Variants in KCTD8 observed in about 807,000 individuals in gnomAD.
The protein encoded by KCTD8 is BTB/POZ domain-containing protein KCTD8.
KCTD8 carries 27 observed loss-of-function variants against 31.5 expected under a neutral mutation model. The ratio of observed to expected loss-of-function variants is 0.86; its 90% CI spans 0.63 to 1.18. The LOEUF (loss-of-function observed/expected upper bound fraction) is 1.18. KCTD8 is among the 50% of genes most tolerant of loss of function. KCTD8 has a pLI of 0.00. For synonymous variants in KCTD8, 290 were observed against 280.0 expected (o/e 1.04, Z -0.36); for missense variants, 658 against 647.7 (o/e 1.02, Z -0.17).
At chr4:44,176,309 G>A (rs1350387056) in intron 1 of KCTD8, among the ~76,000 whole-genome samples, 3 of 152,104 alleles carry the variant, frequency 2.0e-5, no homozygotes, top group Admixed American at 1.3e-4. Context: ...AATTTCGGGG[G>A]TCTAACCTTG....
At chr4:44,295,016 C>T (rs1039905737) in intron 1 of KCTD8, among the ~76,000 whole-genome samples, 5 of 152,152 alleles carry the variant, frequency 3.3e-5, no homozygotes, top group East Asian at 1.9e-4. Context: ...AACTAGGTCC[C>T]GCAGGGTGGC....
intron 1 of KCTD8, among the ~76,000 whole-genome samples, chr4:44,274,661 TG>T (rs1434336298): frequency 2.0e-5 from 3 of 151,906 alleles, no homozygotes; most frequent in Non-Finnish European, 2.9e-5. Flanking sequence ...GTCAAAAATT[TG>T]GTTGAAATTT....
At chr4:44,184,126 G>C (rs181662433) in intron 1 of KCTD8, among the ~76,000 whole-genome samples, 1 of 152,318 alleles carries the variant, frequency 6.6e-6, no homozygotes, top group Admixed American at 6.5e-5. Context: ...GTTCAGGCTT[G>C]GGGTGACAAG....
intron 1 of KCTD8, among the ~76,000 whole-genome samples, chr4:44,289,870 GA>G (rs764666912): frequency 2.2e-4 from 34 of 152,278 alleles, no homozygotes; most frequent in Non-Finnish European, 3.7e-4. Flanking sequence ...GTAGGGTCAA[GA>G]GACTGCAGGG....
At chr4:44,362,609 A>G (rs915132085) in intron 1 of KCTD8, among the ~76,000 whole-genome samples, 1 of 152,086 alleles carries the variant, frequency 6.6e-6, no homozygotes, top group Non-Finnish European at 1.5e-5. Context: ...AAAATAGTCC[A>G]GGTGAGTTGA....
At chr4:44,196,560 T>C (rs1577824471) in intron 1 of KCTD8, among the ~76,000 whole-genome samples, 1 of 152,228 alleles carries the variant, frequency 6.6e-6, no homozygotes, top group East Asian at 1.9e-4. Context: ...ACTCTTCAGG[T>C]GAATTGTCTA....
intron 1 of KCTD8, among the ~76,000 whole-genome samples, chr4:44,218,672 T>C (rs1714722013): frequency 1.3e-5 from 2 of 151,522 alleles, no homozygotes; most frequent in Non-Finnish European, 2.9e-5. Context: ...CGTTCCAAAA[T>C]ATCCATGTTT....
At chr4:44,363,723 T>C (rs1402593432) in intron 1 of KCTD8, among the ~76,000 whole-genome samples, 2 of 152,104 alleles carry the variant, frequency 1.3e-5, no homozygotes, top group African/African-American at 4.8e-5. Flanking sequence ...CTTTTATTGC[T>C]TTCATGTAGA....
chr4:44,399,466 T>G (rs1044809581), intron 1 of KCTD8, among the ~76,000 whole-genome samples: 1 of 152,086 alleles, frequency 6.6e-6, no homozygotes, highest in East Asian at 1.9e-4. Flanking sequence ...GTAAGCAAGA[T>G]CCCAGAGGCG....
intron 1 of KCTD8, among the ~76,000 whole-genome samples, chr4:44,432,114 C>A (rs1721520665): frequency 6.6e-6 from 1 of 151,190 alleles, no homozygotes; most frequent in Non-Finnish European, 1.5e-5. Flanking sequence ...TATTTTATTC[C>A]TATATCTACA....
At chr4:44,371,526 T>C (rs1409127555) in intron 1 of KCTD8, among the ~76,000 whole-genome samples, 3 of 152,178 alleles carry the variant, frequency 2.0e-5, no homozygotes, top group Non-Finnish European at 4.4e-5. Context: ...GAATGGAATA[T>C]AGGTAGTCGT....
At chr4:44,218,503 T>C (rs549873399) in intron 1 of KCTD8, among the ~76,000 whole-genome samples, 1 of 151,296 alleles carries the variant, frequency 6.6e-6, no homozygotes, top group African/African-American at 2.4e-5. Flanking sequence ...GGATACCCCA[T>C]ACTCCGTGAT....
In KCTD8 at chr4:44,447,958, C is replaced by A. The variant is rs1276265991; in HGVS notation, c.566G>T (p.Gly189Val). Reference sequence around the variant, plus strand: ...GCCGCCACCACCGTGCGCTCCCGGGCCCGAGGGCACGGCGGCCGCCGCCCC... The same window carrying A: ...GCCGCCACCACCGTGCGCTCCCGGGACCGAGGGCACGGCGGCCGCCGCCCC... ...LRGAAAAVPS[G>V]PGAHGGGGGG... The change falls in exon 1 of 2, where the codon GGC (glycine) becomes GTC (valine). Residue 189 changes from glycine (G) to valine (V), a missense_variant. Transcript: ENST00000360029. 2.0e-6 allele frequency: 3 copies of A among 1,525,696 alleles called. No homozygotes were observed. The highest frequency in any genetic ancestry group is 4.1e-5 in the Admixed American group (2 of 48,226). 94.5% of individuals were successfully genotyped at this position (1,525,696 alleles called of 1,614,324 possible).
At chr4:44,415,957 C>T (rs1721070801) in intron 1 of KCTD8, among the ~76,000 whole-genome samples, 1 of 152,160 alleles carries the variant, frequency 6.6e-6, no homozygotes, top group African/African-American at 2.4e-5. Flanking sequence ...AGAATAGTAG[C>T]CATAGATAGC....
chr4:44,209,273 T>G (rs1006701591), intron 1 of KCTD8, among the ~76,000 whole-genome samples: 1 of 152,118 alleles, frequency 6.6e-6, no homozygotes, highest in Non-Finnish European at 1.5e-5. Flanking sequence ...TAAGAGAATA[T>G]GAGATTCAGA....
At chr4:44,433,546 T>A (rs57758735) in intron 1 of KCTD8, among the ~76,000 whole-genome samples, 46,408 of 151,368 alleles carry the variant, frequency 0.31, 8,194 homozygotes, top group African/African-American at 0.49. Flanking sequence ...AAATGAATAG[T>A]TTATATGATA....
intron 1 of KCTD8, among the ~76,000 whole-genome samples, chr4:44,355,491 TA>T (rs1350983129): frequency 7.9e-5 from 12 of 152,302 alleles, no homozygotes; most frequent in African/African-American, 2.9e-4. Flanking sequence ...ATCTCAAAAC[TA>T]AATTAACTAA....
chr4:44,228,839 A>G (rs983361973), intron 1 of KCTD8, among the ~76,000 whole-genome samples: 2 of 152,242 alleles, frequency 1.3e-5, no homozygotes, highest in Admixed American at 1.3e-4. Flanking sequence ...GTTTCAATAA[A>G]GAATTGGTGA....
intron 1 of KCTD8, among the ~76,000 whole-genome samples, chr4:44,195,162 G>A (rs1236615536): frequency 6.6e-6 from 1 of 151,184 alleles, no homozygotes; most frequent in African/African-American, 2.4e-5. Flanking sequence ...ACAGGTATGA[G>A]CCACTGTGCC....
Sources: allele counts gnomAD v4.1 joint callset (sites outside exome capture counted in the v4.1 genomes callset), GRCh38; gene constraint gnomAD v4.1.1; transcripts MANE v1.5; gene names NCBI Gene and HGNC (gene_info 2026-07-23, HGNC 2026-07-21).